Variants in PDXDC1 observed in about 807,000 individuals in gnomAD.
The protein encoded by PDXDC1 is pyridoxal dependent decarboxylase domain containing 1.
In PDXDC1, 42 loss-of-function variants were observed where a neutral mutation model predicts 100.1. That is an observed-to-expected ratio of 0.42 (90% CI 0.33 to 0.54). The LOEUF is 0.54. PDXDC1 is among the 20% of genes least tolerant of loss of function. The pLI is 0.10. For synonymous variants in PDXDC1, 260 were observed against 371.7 expected, an observed-to-expected ratio of 0.70 and a Z score of 3.46; for missense variants, 636 against 979.2, an observed-to-expected ratio of 0.65 and a Z score of 4.68.
rs183652813 is a variant in PDXDC1, at chr16:15,053,024, A to G, written c.1399+22968A>G. 4.1e-4 allele frequency among the ~76,000 whole-genome samples: 63 copies of G among 152,288 alleles called. No homozygotes were observed. In the South Asian group the frequency reaches 5.8e-3, roughly 14 times the overall value. ...CTTCATGCTGGGATGGCCACCGTCT[A>G]TATTCACACTGTCTCATTAGTAGCC... On this transcript the variant is annotated intron_variant, in intron 16 of 16. Transcript: ENST00000535621.
At chr16:15,097,919 G>A (rs2046413749) in intron 16 of PDXDC1, among the ~76,000 whole-genome samples, 1 of 129,160 alleles carries the variant, frequency 7.7e-6, no homozygotes, top group African/African-American at 2.8e-5. Context: ...TTATACTGCT[G>A]TTTGTTTTCA....
chr16:15,047,616 T>C, intron 16 of PDXDC1: 1 of 1,185,248 alleles, frequency 8.4e-7, no homozygotes, highest in Non-Finnish European at 1.3e-6. Context: ...AGGCCGAGAC[T>C]CCGCCTGTCC....
downstream of PDXDC1, among the ~76,000 whole-genome samples, chr16:15,143,031 G>A (rs1174908584): frequency 6.6e-5 from 10 of 152,278 alleles, no homozygotes; most frequent in East Asian, 1.9e-4. Flanking sequence ...ATGGGTGCCC[G>A]AGGGCCAGGA....
At chr16:15,019,623 T>A (rs1362439624) in intron 12 of PDXDC1, among the ~76,000 whole-genome samples, 1 of 152,268 alleles carries the variant, frequency 6.6e-6, no homozygotes, top group African/African-American at 2.4e-5. Context: ...TCATAGATAG[T>A]GCCTTGCATG....
intron 16 of PDXDC1, among the ~76,000 whole-genome samples, chr16:15,097,466 T>TAAAAAAAA (rs1287183468): frequency 4.9e-5 from 1 of 20,426 alleles, no homozygotes; most frequent in Non-Finnish European, 1.0e-4. Context: ...CTACTAAAAA[T>TAAAAAAAA]ACAAAAAAAA....
In PDXDC1 at chr16:15,028,913, A is replaced by T. The variant is rs757225889; in HGVS notation, c.1240A>T (p.Thr414Ser). The change falls in exon 15 of 23, where the codon ACA becomes TCA. Residue 414 changes from threonine (T) to serine (S), a missense_variant. This residue lies in a region of PDXDC1 where 44 missense variants were observed against 46.9 expected (regional missense o/e 0.94). Transcript: ENST00000396410. ...VFKAVPVPNM[T>S]PSGVGRERHS... Reference sequence around the variant, plus strand: ...TAAAGCCGTCCCAGTGCCCAACATGACACCTTCAGGAGTCGGCCGGGAGAG... The same window carrying T: ...TAAAGCCGTCCCAGTGCCCAACATGTCACCTTCAGGAGTCGGCCGGGAGAG... 3.7e-6 allele frequency: 6 copies of T among 1,614,012 alleles called. No homozygotes were observed. The highest frequency in any genetic ancestry group is 1.7e-5 in the Admixed American group (1 of 60,030).
chr16:15,036,656 G>A lies in PDXDC1; in HGVS notation c.*381G>A. On this transcript the variant is annotated 3_prime_UTR_variant, in exon 23 of 23. Coordinates refer to ENST00000396410, the MANE Select transcript of PDXDC1 (RefSeq NM_015027.4). ...AACAGCTTTTCATTAGCACTCTCCA[G>A]GTTCTCTGCAACACTTCACAGAGGC... is the stretch of plus-strand genomic sequence containing the variant. 1.7e-5 allele frequency: 4 copies of A among 233,296 alleles called. No homozygotes were observed. Among genetic ancestry groups the A allele is most frequent in the Admixed American group, 1.0e-4 (2 of 19,590 alleles). The allele number at this position is 233,296 out of a possible 1,614,324, so 14.5% of individuals were successfully genotyped here.
intron 16 of PDXDC1, among the ~76,000 whole-genome samples, chr16:15,084,238 C>T (rs1004991599): frequency 5.3e-5 from 8 of 152,160 alleles, no homozygotes; most frequent in Middle Eastern, 3.4e-3. Flanking sequence ...AAATAATCAA[C>T]GGACAGAGGG....
chr16:15,077,745 G>A (rs2045523648), intron 16 of PDXDC1, among the ~76,000 whole-genome samples: 1 of 152,220 alleles, frequency 6.6e-6, no homozygotes, highest in Admixed American at 6.5e-5. Context: ...GGAGGCTGAG[G>A]CAGGAGAACT....
intron 16 of PDXDC1, chr16:15,133,936 C>G (rs1294883015): frequency 8.3e-6 from 12 of 1,447,614 alleles, no homozygotes; most frequent in Non-Finnish European, 1.1e-5. Context: ...CGGCCCAGCA[C>G]CGTCAGCGTG....
At chr16:15,013,556 C>T (rs1176350776) in intron 8 of PDXDC1, among the ~76,000 whole-genome samples, 2 of 152,246 alleles carry the variant, frequency 1.3e-5, no homozygotes, top group East Asian at 3.9e-4. Context: ...CGTATACTTA[C>T]ATGAGTGAGT....
At chr16:15,080,501 C>T (rs1180184311) in intron 16 of PDXDC1, among the ~76,000 whole-genome samples, 7 of 152,200 alleles carry the variant, frequency 4.6e-5, no homozygotes, top group African/African-American at 1.7e-4. Context: ...GTGGTGCAAT[C>T]ATAGCTCACT....
Position 15,085,730 on chromosome 16 carries a change from G to C in PDXDC1, c.1400-53149G>C, listed in dbSNP as rs1431369014. 2.5e-6 allele frequency: 4 copies of C among 1,611,680 alleles called. No homozygotes were observed. In the African/African-American group the frequency reaches 4.0e-5, roughly 16 times the overall value. On this transcript the variant is annotated intron_variant, in intron 16 of 16. Transcript: ENST00000535621. ...AGGGAAAAAGAAAATATGTTATTCT[G>C]TCATTGATCTAGACAATGAATGGCT...
chr16:15,084,263 C>G (rs2045827002), intron 16 of PDXDC1, among the ~76,000 whole-genome samples: 1 of 151,832 alleles, frequency 6.6e-6, no homozygotes, highest in African/African-American at 2.4e-5. Flanking sequence ...AGAGGTCCAC[C>G]CCTCCAAAAG....
At chr16:15,039,980 C>T (rs771339253), downstream of PDXDC1, 3 of 1,595,798 alleles carry the variant, frequency 1.9e-6, no homozygotes, top group East Asian at 2.2e-5. Context: ...GGTCCTCCTG[C>T]TAAAGTTCGC....
At chr16:14,986,896 A>C (rs1455906675) in intron 1 of PDXDC1, among the ~76,000 whole-genome samples, 6 of 152,264 alleles carry the variant, frequency 3.9e-5, no homozygotes, top group Non-Finnish European at 7.3e-5. Flanking sequence ...ACAGGCGCAC[A>C]CCGCCACGTC....
chr16:15,137,510 T>C (rs2048386016), intron 16 of PDXDC1: 3 of 1,163,634 alleles, frequency 2.6e-6, no homozygotes, highest in South Asian at 1.3e-5. Context: ...GCCTGAGCTG[T>C]TGTCAGGGAG....
chr16:15,037,772 TTCTC>T lies in PDXDC1; in HGVS notation c.*1498_*1501del. 1 of 368,020 alleles carries T rather than the reference TTCTC, an allele frequency of 2.7e-6. No individual in the cohort carries two copies. Among genetic ancestry groups the T allele is most frequent in the Non-Finnish European group, 4.8e-6 (1 of 206,676 alleles). The allele number at this position is 368,020 out of a possible 1,614,324, so 22.8% of individuals were successfully genotyped here. ...TGCCGATAGACCAGTGAGAGGTAGG[TTCTC>T]CTCTGCCCGTTATTACCGACCAAAA... is the stretch of plus-strand genomic sequence containing the variant. On this transcript the variant is annotated 3_prime_UTR_variant, in exon 23 of 23. Transcript: ENST00000396410.
chr16:15,087,494 A>C (rs1480013478), intron 16 of PDXDC1, among the ~76,000 whole-genome samples: 4 of 152,318 alleles, frequency 2.6e-5, no homozygotes, highest in Non-Finnish European at 4.4e-5. Flanking sequence ...TGCGGAGAAG[A>C]AGCTGTCCCC....
Sources: allele counts gnomAD v4.1 joint callset (sites outside exome capture counted in the v4.1 genomes callset), GRCh38; gene constraint gnomAD v4.1.1; regional missense constraint gnomAD v4.1.1; transcripts MANE v1.5; gene names NCBI Gene and HGNC (gene_info 2026-07-23, HGNC 2026-07-21).